Variants in TOB1 observed in about 807,000 individuals in gnomAD.
TOB1 encodes transducer of ERBB2, 1.
In TOB1, 2 loss-of-function variants were observed where a neutral mutation model predicts 22.9. That is an observed-to-expected ratio of 0.09 (90% CI 0.04 to 0.28). The LOEUF (loss-of-function observed/expected upper bound fraction) is 0.28. Among genes scored for constraint, TOB1 ranks in the 10% least tolerant of loss-of-function variants. The pLI, the probability that TOB1 is intolerant of heterozygous loss-of-function variation, is 1.00. For synonymous variants in TOB1, 154 were observed against 150.6 expected (o/e 1.02, Z -0.17); for missense variants, 299 against 420.5 (o/e 0.71, Z 2.53).
rs535537421 is a variant in TOB1, at chr17:50,865,874, G to T, written c.-147+184C>A. ...TGCCCAGGACGAGCCCGACGCGCCG[G>T]CGGCCCCTCGGAGCCGCTCCCCTCG... On this transcript the variant is annotated intron_variant, in intron 1 of 1. Coordinates refer to ENST00000499247, the MANE Select transcript of TOB1 (RefSeq NM_005749.4). 2.1e-3 allele frequency among the ~76,000 whole-genome samples: 318 copies of T among 151,616 alleles called. 2 individuals are homozygous for T. In the South Asian group the frequency reaches 0.032, roughly 15 times the overall value.
At chr17:50,865,753 G>A (rs903466783) in intron 1 of TOB1, among the ~76,000 whole-genome samples, 7 of 152,028 alleles carry the variant, frequency 4.6e-5, no homozygotes, top group African/African-American at 7.2e-5. Flanking sequence ...CCGGCCCCTC[G>A]AACCCCAGCG....
chr17:50,866,257 G>A lies in TOB1; in HGVS notation c.-346C>T, dbSNP rs1282133179. ...GTGGCTCGGGGTGGCGGGCACGGGG[G>A]TCAGACGAGCGCGCTCACTTCTCCA... is the stretch of plus-strand genomic sequence containing the variant. On this transcript the variant is annotated 5_prime_UTR_variant, in exon 1 of 2. Coordinates refer to ENST00000499247, the MANE Select transcript of TOB1 (RefSeq NM_005749.4). The A allele has an allele frequency of 3.3e-5, 5 of 152,462 alleles. No homozygotes were observed. The highest frequency in any genetic ancestry group is 6.5e-5 in the Admixed American group (1 of 15,280). The allele number at this position is 152,462 out of a possible 1,614,324, so 9.4% of individuals were successfully genotyped here. A position where few individuals can be genotyped will look rare whatever the true frequency, so the allele number is the denominator to read the frequency against.
rs776043962 is a variant in TOB1, at chr17:50,863,219, G to A, written c.799C>T (p.Leu267Phe). The part of the protein sequence containing the change: ...QQQQQQKTSA[L>F]SPNAKEFIFP... ...ATAAATTCCTTGGCATTAGGAGAAA[G>A]AGCAGAGGTTTTCTGCTGTTGTTGC... The change falls in exon 2 of 2, where the codon CTT becomes TTT. Residue 267 changes from leucine (L) to phenylalanine (F), a missense_variant. Leu to Phe is a conservative substitution (Grantham distance 22). Transcript: ENST00000499247. 1 of 1,614,160 alleles carries A rather than the reference G, an allele frequency of 6.2e-7. No individual in the cohort carries two copies. Among genetic ancestry groups the A allele is most frequent in the South Asian group, 1.1e-5 (1 of 91,072 alleles).
chr17:50,863,796 C>T lies in TOB1; in HGVS notation c.222G>A (p.Glu74=), dbSNP rs1972255126. 1 of 1,614,094 alleles carries T rather than the reference C, an allele frequency of 6.2e-7. No homozygotes were observed. Among genetic ancestry groups the T allele is most frequent in the Non-Finnish European group, 8.5e-7 (1 of 1,180,014 alleles). Reference sequence around the variant, plus strand: ...GAACATCATCAATGTCCAAACCACTCTCTTTGGATGCTTGTTCAATCACTG... The same window carrying T: ...GAACATCATCAATGTCCAAACCACTTTCTTTGGATGCTTGTTCAATCACTG... ...VDPVIEQASK[E]SGLDIDDVRG... is the part of the protein sequence containing the mutation. The change falls in exon 2 of 2, where the codon GAG becomes GAA. Residue 74 remains glutamate, a synonymous_variant. Transcript: ENST00000499247.
chr17:50,866,655 G>A (rs1195986428), upstream of TOB1: 1 of 152,352 alleles, frequency 6.6e-6, no homozygotes, highest in Non-Finnish European at 1.5e-5. Context: ...GGGACGGAAT[G>A]AAGAGAACGT....
At chr17:50,867,898 G>A (rs1972339925), upstream of TOB1, 1 of 152,204 alleles carries the variant, frequency 6.6e-6, no homozygotes, top group Admixed American at 6.5e-5. Flanking sequence ...GAAGCTTTTG[G>A]CTTTGTGGAC....
rs2143337484 is a variant in TOB1 at position 50,863,252 on chromosome 17, G to A, written c.766C>T (p.Pro256Ser). 2 of 1,614,090 alleles carry A rather than the reference G, an allele frequency of 1.2e-6. No homozygotes were observed. Among genetic ancestry groups the A allele is most frequent in the East Asian group, 2.2e-5 (1 of 44,894 alleles). Residue 256 changes from proline (P) to serine (S), a missense_variant, in exon 2 of 2, where the codon CCA (proline) becomes TCA (serine). Coordinates refer to ENST00000499247, the MANE Select transcript of TOB1 (RefSeq NM_005749.4). ...GTTTTCTGCTGTTGTTGCTGCTGTG[G>A]TGGTGGTGGTGGCGGTGGCGGCTGG... ...PAQPPPPPPP[P>S]QQQQQQKTSA...
chr17:50,863,343 T>C lies in TOB1; in HGVS notation c.675A>G (p.Ser225=), dbSNP rs1459735658. ...AGCCAAGCCCATACAGAGAGTGCATTGAGGAAGAGATGGCTTTCTGCTTCA... is the reference window on the plus strand; with the variant it reads ...AGCCAAGCCCATACAGAGAGTGCATCGAGGAAGAGATGGCTTTCTGCTTCA... ...DLLKQKAISS[S]MHSLYGLGLG... Residue 225 remains serine, a synonymous_variant, in exon 2 of 2, where the codon TCA becomes TCG. Coordinates refer to ENST00000499247, the MANE Select transcript of TOB1 (RefSeq NM_005749.4). The C allele has an allele frequency of 1.9e-6, 3 of 1,613,938 alleles. No homozygotes were observed. Among genetic ancestry groups the C allele is most frequent in the Non-Finnish European group, 2.5e-6 (3 of 1,180,024 alleles).
At chr17:50,867,534 CA>C (rs1309251130), upstream of TOB1, 1 of 152,170 alleles carries the variant, frequency 6.6e-6, no homozygotes, top group Non-Finnish European at 1.5e-5. Context: ...GGTCCCTTCG[CA>C]ACGAGGCGAT....
chr17:50,863,574 T>C lies in TOB1; in HGVS notation c.444A>G (p.Ser148=), dbSNP rs1203250563. 4 of 1,614,154 alleles carry C rather than the reference T, an allele frequency of 2.5e-6. No homozygotes were observed. In the East Asian group the frequency reaches 6.7e-5, roughly 27 times the overall value. The change falls in exon 2 of 2, where the codon TCA becomes TCG. Residue 148 remains serine (S), a synonymous_variant. Transcript: ENST00000499247. The stretch of plus-strand genomic sequence containing the variant: ...AAGGAGGCGATGGAGAGCTGGACAC[T>C]GATGAGGCTGGGTCACTTATGGGCA... The part of the protein sequence containing the change: ...VFMPISDPAS[S]VSSSPSPPFG...
chr17:50,864,751 A>G (rs1189806002), intron 1 of TOB1, among the ~76,000 whole-genome samples: 1 of 152,232 alleles, frequency 6.6e-6, no homozygotes, highest in East Asian at 1.9e-4. Context: ...ACTTCATCCT[A>G]GTAAATAATT....
At position 50,864,036 on chromosome 17, in the gene TOB1, T is replaced by C. The variant is rs745788035; in HGVS notation, c.-19A>G. On this transcript the variant is annotated 5_prime_UTR_variant, in exon 2 of 2. Transcript: ENST00000499247. ...GCTGCATAGCTGCTACGCCACAAAA[T>C]TAGGTTTCAACTCCCCCACCAAAAA... is the stretch of plus-strand genomic sequence containing the variant. The C allele has an allele frequency of 7.6e-7, 1 of 1,324,084 alleles. No homozygotes were observed. The highest frequency in any genetic ancestry group is 9.8e-7 in the Non-Finnish European group (1 of 1,022,326). The allele number at this position is 1,324,084 out of a possible 1,614,324, so 82.0% of individuals were successfully genotyped here.
Position 50,863,988 on chromosome 17 carries a change from A to G in TOB1, c.30T>C (p.Asn10=), listed in dbSNP as rs1358080543. 1 of 1,582,150 alleles carries G rather than the reference A, an allele frequency of 6.3e-7. No individual in the cohort carries two copies. The highest frequency in any genetic ancestry group is 2.3e-5 in the East Asian group (1 of 43,978). Residue 10 remains asparagine, a synonymous_variant, in exon 2 of 2, where the codon AAT becomes AAC. Coordinates refer to ENST00000499247, the MANE Select transcript of TOB1 (RefSeq NM_005749.4). ...TATTGTACAAATACGAAATAATAAAATTTAGTGCTACTTGGATTTCAAGCT... is the reference window on the plus strand; with the variant it reads ...TATTGTACAAATACGAAATAATAAAGTTTAGTGCTACTTGGATTTCAAGCT... The part of the protein sequence containing the change: MQLEIQVAL[N]FIISYLYNKL...
chr17:50,863,595 G>C lies in TOB1; in HGVS notation c.423C>G (p.Pro141=). 1 of 1,614,140 alleles carries C rather than the reference G, an allele frequency of 6.2e-7. No homozygotes were observed. Among genetic ancestry groups the C allele is most frequent in the Non-Finnish European group, 8.5e-7 (1 of 1,180,038 alleles). Residue 141 remains proline (P), a synonymous_variant, in exon 2 of 2, where the codon CCC becomes CCG. Coordinates refer to ENST00000499247, the MANE Select transcript of TOB1 (RefSeq NM_005749.4). ...SFNPEAQVFM[P]ISDPASSVSS... ...ACACTGATGAGGCTGGGTCACTTAT[G>C]GGCATAAAAACCTGGGCCTCTGGGT...
rs4626 is a variant in TOB1 at position 50,863,061 on chromosome 17, T to C, written c.957A>G (p.Lys319=). The C allele has an allele frequency of 0.69, 1,120,198 of 1,613,696 alleles. 392,171 individuals carry two copies. The highest frequency in any genetic ancestry group is 0.71 in the Middle Eastern group (4,327 of 6,062). The part of the protein sequence containing the change: ...VFAAYGGLNE[K]SFVDGLNFSL... ...TAAAATTCAAGCCATCTACAAAAGA[T>C]TTCTCATTGAGGCCTCCATAGGCTG... The change falls in exon 2 of 2, where the codon AAA becomes AAG. Residue 319 remains lysine, a synonymous_variant. Coordinates refer to ENST00000499247, the MANE Select transcript of TOB1 (RefSeq NM_005749.4).
Position 50,862,780 on chromosome 17 carries a change from C to T in TOB1, c.*200G>A. On this transcript the variant is annotated 3_prime_UTR_variant, in exon 2 of 2. Transcript: ENST00000499247. The stretch of plus-strand genomic sequence containing the variant: ...GTAAGAGGCCATATCTGAGAGTATA[C>T]TTTAAAATATACAGTCAGTATAAAA... 1.5e-6 allele frequency: 1 copy of T among 679,466 alleles called. No individual in the cohort carries two copies. The highest frequency in any genetic ancestry group is 3.1e-5 in the East Asian group (1 of 32,118). The allele number at this position is 679,466 out of a possible 1,614,324, so 42.1% of individuals were successfully genotyped here. A position where few individuals can be genotyped will look rare whatever the true frequency, so the allele number is the denominator to read the frequency against.
intron 1 of TOB1, 112 bp from the exon 2 acceptor site, chr17:50,864,275 C>T: frequency 2.0e-6 from 1 of 492,534 alleles, no homozygotes. Flanking sequence ...CTGTGTTAGT[C>T]TGCTAAGGAT....
rs56106159 is a variant in TOB1 at position 50,862,895 on chromosome 17, T to TA, written c.*84dup. Reference sequence around the variant, plus strand: ...CTTGAATGTATCCTTACTATAAGCTTAAAAAAAAAAATTCTCAAGGAGGTG... The same window carrying TA: ...CTTGAATGTATCCTTACTATAAGCTTAAAAAAAAAAAATTCTCAAGGAGGTG... On this transcript the variant is annotated 3_prime_UTR_variant, in exon 2 of 2. Coordinates refer to ENST00000499247, the MANE Select transcript of TOB1 (RefSeq NM_005749.4). 5,499 of 1,150,876 alleles carry TA rather than the reference T, an allele frequency of 4.8e-3. No individual in the cohort carries two copies. Among genetic ancestry groups the TA allele is most frequent in the South Asian group, 6.6e-3 (366 of 55,626 alleles). 71.3% of individuals were successfully genotyped at this position (1,150,876 alleles called of 1,614,324 possible). A position where few individuals can be genotyped will look rare whatever the true frequency, so the allele number is the denominator to read the frequency against.
Position 50,864,100 on chromosome 17 carries a change from A to C in TOB1, c.-83T>G, listed in dbSNP as rs1388365140. ...AAAAGATGTTCAGTTTGTGGCAGAGAAACAAATTTTCATTCAAAGTGCTGG... is the reference window on the plus strand; with the variant it reads ...AAAAGATGTTCAGTTTGTGGCAGAGCAACAAATTTTCATTCAAAGTGCTGG... On this transcript the variant is annotated 5_prime_UTR_variant, in exon 2 of 2. Coordinates refer to ENST00000499247, the MANE Select transcript of TOB1 (RefSeq NM_005749.4). 5.0e-6 allele frequency: 6 copies of C among 1,199,036 alleles called. No individual in the cohort carries two copies. In the African/African-American group the frequency reaches 7.8e-5, roughly 16 times the overall value. The allele number at this position is 1,199,036 out of a possible 1,614,324, so 74.3% of individuals were successfully genotyped here. A position where few individuals can be genotyped will look rare whatever the true frequency, so the allele number is the denominator to read the frequency against.
Sources: gnomAD v4.1 joint callset for allele counts (sites outside exome capture counted in the v4.1 genomes callset) on GRCh38, gnomAD v4.1.1 for gene constraint, MANE v1.5 for transcripts, NCBI Gene and HGNC (gene_info 2026-07-23, HGNC 2026-07-21) for gene names.